The following DCTN4 variants were observed in gnomAD, a reference collection of about 807,000 sequenced individuals.
DCTN4 encodes dynactin subunit 4.
DCTN4 carries 23 observed loss-of-function variants against 62.7 expected under a neutral mutation model. The ratio of observed to expected loss-of-function variants is 0.37; its 90% CI spans 0.26 to 0.52. The LOEUF (loss-of-function observed/expected upper bound fraction) is 0.52, where lower values mean the gene tolerates loss of function less well. Ranked by LOEUF, DCTN4 falls within the 20% of genes least tolerant of loss-of-function variation. The pLI is 0.92. For synonymous variants in DCTN4, 199 were observed against 202.1 expected, an observed-to-expected ratio of 0.98 and a Z score of 0.13; for missense variants, 514 against 580.4, an observed-to-expected ratio of 0.89 and a Z score of 1.18.
intron 1 of DCTN4, among the ~76,000 whole-genome samples, chr5:150,757,396 A>G (rs1752900751): frequency 6.6e-6 from 1 of 152,124 alleles, no homozygotes; most frequent in Non-Finnish European, 1.5e-5. Flanking sequence ...CAGATTCTCC[A>G]TTAGAACTTC....
chr5:150,753,160 C>A (rs990951449), intron 3 of DCTN4, among the ~76,000 whole-genome samples: 1 of 152,178 alleles, frequency 6.6e-6, no homozygotes, highest in African/African-American at 2.4e-5. Context: ...CCACCGTGCC[C>A]GGCCTTATCT....
intron 4 of DCTN4, 124 bp downstream of exon 4, chr5:150,741,990 A>T: frequency 1.2e-6 from 1 of 822,118 alleles, no homozygotes; most frequent in Non-Finnish European, 2.1e-6. Context: ...AGCACTGTCT[A>T]TGTGCAAAGA....
intron 2 of DCTN4, 47 bp from the exon 3 acceptor site, chr5:150,753,704 G>C: frequency 1.3e-6 from 2 of 1,566,558 alleles, no homozygotes; most frequent in Admixed American, 1.8e-5. Flanking sequence ...TATTTATCAA[G>C]GAATTCAAGA....
intron 4 of DCTN4, 69 bp downstream of exon 4, chr5:150,742,045 G>T: frequency 7.4e-7 from 1 of 1,355,712 alleles, no homozygotes; most frequent in Non-Finnish European, 1.1e-6. Flanking sequence ...CCCATAAAAT[G>T]CAAGATCTTC....
intron 8 of DCTN4, among the ~76,000 whole-genome samples, chr5:150,726,423 T>C (rs977280218): frequency 1.3e-5 from 2 of 152,270 alleles, no homozygotes. Context: ...TTAAAACATA[T>C]TAGTTTGTAT....
intron 4 of DCTN4, among the ~76,000 whole-genome samples, chr5:150,741,843 G>C (rs1760781560): frequency 6.6e-6 from 1 of 152,188 alleles, no homozygotes; most frequent in Non-Finnish European, 1.5e-5. Context: ...GGTGGGTTGT[G>C]TGAAGAAAAA....
rs751233893 is a variant in DCTN4 at position 150,742,166 on chromosome 5, TAAA to T, written c.386-12_386-10del. 6.2e-7 allele frequency: 1 copy of T among 1,612,996 alleles called. No individual in the cohort carries two copies. Among genetic ancestry groups the T allele is most frequent in the Non-Finnish European group, 8.5e-7 (1 of 1,179,034 alleles). ...CTGCCAACCGCCACTAGCTACAAAA[TAAA>T]AGAATATTAAACAAGACTTTCATAA... On this transcript the variant is annotated splice_polypyrimidine_tract_variant and intron_variant, in intron 3 of 12. Transcript: ENST00000447998.
intron 4 of DCTN4, among the ~76,000 whole-genome samples, chr5:150,741,522 C>T (rs1760770354): frequency 6.6e-6 from 1 of 151,906 alleles, no homozygotes; most frequent in Admixed American, 6.6e-5. Context: ...GCTCTATTGC[C>T]TAGGATGGAG....
At chr5:150,732,638 T>C (rs2113063210) in intron 5 of DCTN4, among the ~76,000 whole-genome samples, 1 of 152,330 alleles carries the variant, frequency 6.6e-6, no homozygotes, top group African/African-American at 2.4e-5. Flanking sequence ...AGTGTTTATT[T>C]AGCACAGAGC....
In DCTN4 at chr5:150,753,509, T is replaced by C; in HGVS notation, c.355A>G (p.Arg119Gly). ...LACGFCRWTS[R>G]DVGMADKSVA... ...GATTTGTCTGCCATGCCCACATCTC[T>C]AGACGTCCAGCGACAAAATCCACAT... Residue 119 changes from arginine to glycine, a missense_variant, in exon 3 of 13, where the codon AGA becomes GGA. By Grantham distance (125) the Arg-to-Gly change is moderately radical. Transcript: ENST00000447998. 1.2e-6 allele frequency: 2 copies of C among 1,614,174 alleles called. No homozygotes were observed. Among genetic ancestry groups the C allele is most frequent in the South Asian group, 1.1e-5 (1 of 91,078 alleles).
intron 3 of DCTN4, among the ~76,000 whole-genome samples, chr5:150,748,873 C>T (rs1216623264): frequency 6.7e-6 from 1 of 148,826 alleles, no homozygotes; most frequent in African/African-American, 2.5e-5. Context: ...ACCAGCATGG[C>T]ACATGTATAC....
chr5:150,724,145 AATG>A (rs1414123578), intron 8 of DCTN4, among the ~76,000 whole-genome samples: 1 of 152,200 alleles, frequency 6.6e-6, no homozygotes, highest in Non-Finnish European at 1.5e-5. Context: ...ACGATTATGA[AATG>A]ATATTCCACT....
At chr5:150,715,489 G>A in intron 12 of DCTN4, 76 bp downstream of exon 12, 1 of 1,143,104 alleles carries the variant, frequency 8.7e-7, no homozygotes, top group Non-Finnish European at 1.3e-6. Context: ...AAAAAATCCA[G>A]ACAAGAAAAC....
chr5:150,713,885 G>T (rs1289994383), intron 12 of DCTN4, among the ~76,000 whole-genome samples: 1 of 152,060 alleles, frequency 6.6e-6, no homozygotes, highest in Non-Finnish European at 1.5e-5. Context: ...GGGAGACCAA[G>T]TCGGGTGGAT....
chr5:150,711,083 C>T lies in DCTN4; in HGVS notation c.*66G>A. On this transcript the variant is annotated 3_prime_UTR_variant, in exon 13 of 13. Transcript: ENST00000447998. ...TAAACAAGGCCTAATGAAGCAGCAGCTTCCACATTTTAACGCAGGTTTACG... is the reference window on the plus strand; with the variant it reads ...TAAACAAGGCCTAATGAAGCAGCAGTTTCCACATTTTAACGCAGGTTTACG... The T allele has an allele frequency of 6.9e-7, 1 of 1,452,968 alleles. No individual in the cohort carries two copies. The highest frequency in any genetic ancestry group is 1.7e-5 in the Admixed American group (1 of 57,456). 90.0% of individuals were successfully genotyped at this position (1,452,968 alleles called of 1,614,324 possible).
chr5:150,718,072 T>C lies in DCTN4; in HGVS notation c.1071+204A>G, dbSNP rs1385122354. Among the ~76,000 whole-genome samples, 1 of 152,216 alleles carries C rather than the reference T, an allele frequency of 6.6e-6. No individual in the cohort carries two copies. Among genetic ancestry groups the C allele is most frequent in the African/African-American group, 2.4e-5 (1 of 41,460 alleles). ...AATAGCAAGGTCATTTAGGAAGTTA[T>C]TGTCACTGTCCAGGTAAGAAACGAT... On this transcript the variant is annotated intron_variant, in intron 11 of 12. Coordinates refer to ENST00000447998, the MANE Select transcript of DCTN4 (RefSeq NM_016221.4).
chr5:150,743,618 TC>T (rs1760851306), intron 3 of DCTN4, among the ~76,000 whole-genome samples: 1 of 152,014 alleles, frequency 6.6e-6, no homozygotes, highest in African/African-American at 2.4e-5. Context: ...AGAGGAACGA[TC>T]AGACAGCAGC....
At chr5:150,731,337 G>A (rs1339280565) in intron 6 of DCTN4, 79 bp downstream of exon 6, 5 of 1,210,104 alleles carry the variant, frequency 4.1e-6, no homozygotes, top group Non-Finnish European at 4.9e-6. Flanking sequence ...GTGTGTGTGT[G>A]TGTGTTTTAA....
chr5:150,752,441 C>T (rs1373227183), intron 3 of DCTN4, among the ~76,000 whole-genome samples: 1 of 152,086 alleles, frequency 6.6e-6, no homozygotes, highest in Non-Finnish European at 1.5e-5. Context: ...AGTTTTTGAG[C>T]ACATGTTTGA....
Sources: gnomAD v4.1 joint callset for allele counts (sites outside exome capture counted in the v4.1 genomes callset) on GRCh38, gnomAD v4.1.1 for gene constraint, MANE v1.5 for transcripts, NCBI Gene and HGNC (gene_info 2026-07-23, HGNC 2026-07-21) for gene names.